Variants in TRAF5 observed in about 807,000 individuals in gnomAD.
TRAF5 encodes the protein TNF receptor-associated factor 5.
TRAF5 carries 48 observed loss-of-function variants against 64.5 expected under a neutral mutation model. The ratio of observed to expected loss-of-function variants is 0.74; its 90% CI spans 0.59 to 0.95. The LOEUF (loss-of-function observed/expected upper bound fraction) is 0.95. Among genes scored for constraint, TRAF5 ranks in the 40% least tolerant of loss-of-function variants. The pLI is 0.00. For synonymous variants in TRAF5, 206 were observed against 240.5 expected (o/e 0.86, Z 1.33); for missense variants, 545 against 662.8 (o/e 0.82, Z 1.95).
intron 1 of TRAF5, among the ~76,000 whole-genome samples, chr1:211,345,370 C>A (rs951146804): frequency 6.6e-6 from 1 of 151,960 alleles, no homozygotes; most frequent in Admixed American, 6.6e-5. Context: ...CTCCCCCCCC[C>A]TCCTTTTTTT....
intron 9 of TRAF5, among the ~76,000 whole-genome samples, chr1:211,370,473 G>A (rs1400865094): frequency 6.6e-6 from 1 of 151,896 alleles, no homozygotes; most frequent in African/African-American, 2.4e-5. Flanking sequence ...ATGCACATGT[G>A]TATATACATT....
At chr1:211,366,570 G>A (rs1703362070) in intron 8 of TRAF5, among the ~76,000 whole-genome samples, 1 of 152,168 alleles carries the variant, frequency 6.6e-6, no homozygotes, top group South Asian at 2.1e-4. Flanking sequence ...TAGGGGAGTT[G>A]GGGAAGACTT....
In TRAF5 at chr1:211,369,586, C is replaced by T. The variant is rs1172379536; in HGVS notation, c.924C>T (p.Asn308=). 55 of 1,589,650 alleles carry T rather than the reference C, an allele frequency of 3.5e-5. No homozygotes were observed. Among genetic ancestry groups the T allele is most frequent in the Non-Finnish European group, 4.7e-5 (55 of 1,171,824 alleles). The part of the protein sequence containing the change: ...LFGKNGSFLP[N]IQVFASHIDK... ...GCAAAAATGGAAGCTTCCTCCCAAA[C>T]ATCCAGGTAAGAAATGGCCTTTGCG... is the stretch of plus-strand genomic sequence containing the variant. The change falls in exon 9 of 11, where the codon AAC becomes AAT. Residue 308 remains asparagine (N), a synonymous_variant. Coordinates refer to ENST00000261464, the MANE Select transcript of TRAF5 (RefSeq NM_001033910.3).
intron 1 of TRAF5, among the ~76,000 whole-genome samples, chr1:211,339,989 A>G (rs1337980187): frequency 6.6e-6 from 1 of 152,212 alleles, no homozygotes; most frequent in Non-Finnish European, 1.5e-5. Context: ...CACCGCTAGA[A>G]TGATGTTGAC....
intron 1 of TRAF5, among the ~76,000 whole-genome samples, chr1:211,330,674 T>C (rs1702134925): frequency 6.6e-6 from 1 of 152,210 alleles, no homozygotes; most frequent in Non-Finnish European, 1.5e-5. Flanking sequence ...TTGTCCTGTG[T>C]AGGTTTCCAG....
chr1:211,351,692 T>A (rs1378210473), intron 1 of TRAF5, among the ~76,000 whole-genome samples: 1 of 152,184 alleles, frequency 6.6e-6, no homozygotes, highest in Admixed American at 6.5e-5. Flanking sequence ...GATGTCCAGT[T>A]GTCCCAGCAC....
intron 7 of TRAF5, among the ~76,000 whole-genome samples, chr1:211,362,876 G>C (rs997091155): frequency 6.7e-6 from 1 of 149,162 alleles, no homozygotes; most frequent in African/African-American, 2.6e-5. Flanking sequence ...ACAAAAAAAA[G>C]GGGGGGGCTA....
Position 211,373,008 on chromosome 1 carries a change from G to A in TRAF5, c.*306G>A, listed in dbSNP as rs937772598. ...TACTGGTGCTTAGCGCAGTGTCTCGGGCACTCTAAATATTGAGTGTTATGG... is the reference window on the plus strand; with the variant it reads ...TACTGGTGCTTAGCGCAGTGTCTCGAGCACTCTAAATATTGAGTGTTATGG... On this transcript the variant is annotated 3_prime_UTR_variant, in exon 11 of 11. Coordinates refer to ENST00000261464, the MANE Select transcript of TRAF5 (RefSeq NM_001033910.3). The A allele has an allele frequency of 4.6e-6, 1 of 216,832 alleles. No individual in the cohort carries two copies. Among genetic ancestry groups the A allele is most frequent in the Non-Finnish European group, 9.1e-6 (1 of 109,942 alleles). The allele number at this position is 216,832 out of a possible 1,614,324, so 13.4% of individuals were successfully genotyped here. A position where few individuals can be genotyped will look rare whatever the true frequency, so the allele number is the denominator to read the frequency against.
Position 211,338,017 on chromosome 1 carries a change from A to G in TRAF5, c.-2+11128A>G, listed in dbSNP as rs913158455. Among the ~76,000 whole-genome samples, 4 of 152,198 alleles carry G rather than the reference A, an allele frequency of 2.6e-5. No homozygotes were observed. In the East Asian group the frequency reaches 5.8e-4, roughly 22 times the overall value. Reference sequence around the variant, plus strand: ...GCCAGGAGCTGGGACGTGCTCACCCAGAGAATGAGTGCAGATAGAAGAGAG... The same window carrying G: ...GCCAGGAGCTGGGACGTGCTCACCCGGAGAATGAGTGCAGATAGAAGAGAG... On this transcript the variant is annotated intron_variant, in intron 1 of 10. Transcript: ENST00000261464.
At chr1:211,343,408 T>A (rs1702500107) in intron 1 of TRAF5, among the ~76,000 whole-genome samples, 1 of 151,914 alleles carries the variant, frequency 6.6e-6, no homozygotes, top group Non-Finnish European at 1.5e-5. Context: ...TTCCTCATTT[T>A]AAAAAAAGGG....
At position 211,341,333 on chromosome 1, in the gene TRAF5, G is replaced by T. The variant is rs549428639; in HGVS notation, c.-1-11906G>T. Among the ~76,000 whole-genome samples the T allele has an allele frequency of 3.9e-5, 6 of 152,260 alleles. No homozygotes were observed. In the East Asian group the frequency reaches 1.2e-3, roughly 29 times the overall value. ...CAGAACCCTAGGGCCAAGGGATCAG[G>T]GAGTTTCAAGAAGGAAGTGCCAAAT... is the stretch of plus-strand genomic sequence containing the variant. On this transcript the variant is annotated intron_variant, in intron 1 of 10. Transcript: ENST00000261464.
At chr1:211,343,067 C>T (rs189420044) in intron 1 of TRAF5, among the ~76,000 whole-genome samples, 22 of 152,274 alleles carry the variant, frequency 1.4e-4, no homozygotes, top group African/African-American at 4.8e-4. Context: ...ACCTCCATAC[C>T]GTTCTTCATA....
Position 211,374,812 on chromosome 1 carries a change from A to G in TRAF5, c.*2110A>G, listed in dbSNP as rs946314199. ...AAATGCTGGTTTTGTGTTTTATCCA[A>G]CTTTTGTGCATATATATAAAGTATG... On this transcript the variant is annotated 3_prime_UTR_variant, in exon 11 of 11. Coordinates refer to ENST00000261464, the MANE Select transcript of TRAF5 (RefSeq NM_001033910.3). The G allele has an allele frequency of 5.3e-5, 8 of 152,190 alleles. No individual in the cohort carries two copies. The highest frequency in any genetic ancestry group is 9.7e-5 in the African/African-American group (4 of 41,446). 9.4% of individuals were successfully genotyped at this position (152,190 alleles called of 1,614,324 possible).
chr1:211,335,294 T>C (rs1702261143), intron 1 of TRAF5, among the ~76,000 whole-genome samples: 1 of 152,078 alleles, frequency 6.6e-6, no homozygotes, highest in Non-Finnish European at 1.5e-5. Flanking sequence ...AATATGAAGA[T>C]GAATAATACA....
At chr1:211,370,378 AACACACAC>A (rs67207558) in intron 9 of TRAF5, among the ~76,000 whole-genome samples, 115 of 148,076 alleles carry the variant, frequency 7.8e-4, no homozygotes, top group East Asian at 2.0e-3. Flanking sequence ...TTATACATTA[AACACACAC>A]ACACACACAC....
At chr1:211,328,365 A>G (rs1702072380) in intron 1 of TRAF5, among the ~76,000 whole-genome samples, 1 of 152,254 alleles carries the variant, frequency 6.6e-6, no homozygotes, top group Non-Finnish European at 1.5e-5. Context: ...ATCACCTCTC[A>G]GATCCCTGGC....
At position 211,353,471 on chromosome 1, in the gene TRAF5, G is replaced by T. The variant is rs368350334; in HGVS notation, c.218+14G>T. On this transcript the variant is annotated intron_variant, in intron 2 of 10. Transcript: ENST00000261464. Reference sequence around the variant, plus strand: ...CCTGTCCCTGAGGTGAGTGGGCAGGGCCTGCAACTCTGGCCATGGCAGTCC... The same window carrying T: ...CCTGTCCCTGAGGTGAGTGGGCAGGTCCTGCAACTCTGGCCATGGCAGTCC... The T allele has an allele frequency of 4.5e-5, 72 of 1,606,948 alleles. No individual in the cohort carries two copies. The highest frequency in any genetic ancestry group is 5.9e-5 in the Non-Finnish European group (69 of 1,177,214).
At chr1:211,339,324 CTG>C (rs1228358948) in intron 1 of TRAF5, among the ~76,000 whole-genome samples, 1 of 152,188 alleles carries the variant, frequency 6.6e-6, no homozygotes, top group African/African-American at 2.4e-5. Context: ...AGAAACCAAA[CTG>C]TGGATCTCCT....
At chr1:211,361,192 A>G (rs1703168477) in intron 7 of TRAF5, 30 bp downstream of exon 7, 7 of 1,594,036 alleles carry the variant, frequency 4.4e-6, no homozygotes, top group Non-Finnish European at 6.0e-6. Context: ...TTCTGCCTAT[A>G]CATTCTACTG....
Sources: allele counts gnomAD v4.1 joint callset (sites outside exome capture counted in the v4.1 genomes callset), GRCh38; gene constraint gnomAD v4.1.1; transcripts MANE v1.5; gene names NCBI Gene and HGNC (gene_info 2026-07-23, HGNC 2026-07-21).